Variants in SH3PXD2B observed in about 807,000 individuals in gnomAD.
SH3PXD2B encodes SH3 and PX domain-containing protein 2B.
A neutral mutation model predicts 73.1 loss-of-function variants in SH3PXD2B; 37 were observed. The observed-to-expected ratio is 0.51, with a 90% CI of 0.39 to 0.67. SH3PXD2B has a LOEUF of 0.67. Ranked by LOEUF, SH3PXD2B falls within the 30% of genes least tolerant of loss-of-function variation. SH3PXD2B has a pLI of 0.00. For synonymous variants in SH3PXD2B, 457 were observed against 480.5 expected, an observed-to-expected ratio of 0.95 and a Z score of 0.64; for missense variants, 1,053 against 1,197.8, an observed-to-expected ratio of 0.88 and a Z score of 1.78.
intron 1 of SH3PXD2B, among the ~76,000 whole-genome samples, chr5:172,448,185 T>A (rs2113519484): frequency 6.6e-6 from 1 of 152,282 alleles, no homozygotes; most frequent in African/African-American, 2.4e-5. Context: ...AGCAGCAGCA[T>A]GGGCCCAGCC....
rs1757209653 is a variant in SH3PXD2B at position 172,353,755 on chromosome 5, T to C, written c.785+133A>G. 1 of 768,506 alleles carries C rather than the reference T, an allele frequency of 1.3e-6. No homozygotes were observed. Among genetic ancestry groups the C allele is most frequent in the East Asian group, 2.4e-5 (1 of 40,870 alleles). 47.6% of individuals were successfully genotyped at this position (768,506 alleles called of 1,614,324 possible). On this transcript the variant is annotated intron_variant, in intron 9 of 12. Coordinates refer to ENST00000311601, the MANE Select transcript of SH3PXD2B (RefSeq NM_001017995.3). The surrounding 1 kb of genome is among the most constrained non-coding windows in gnomAD (Gnocchi z 4.3). The stretch of plus-strand genomic sequence containing the variant: ...ACAACACAGAGGAGAAGTATCCTTT[T>C]ATGGTTCAGGCGGAAACTTCGCCCA...
At chr5:172,362,300 G>A (rs1757419587) in intron 7 of SH3PXD2B, among the ~76,000 whole-genome samples, 3 of 152,184 alleles carry the variant, frequency 2.0e-5, no homozygotes, top group African/African-American at 7.2e-5. Context: ...CCCAGCCAGT[G>A]TTCATGACCA....
At chr5:172,383,485 C>T (rs2569221) in intron 4 of SH3PXD2B, among the ~76,000 whole-genome samples, 57,087 of 152,070 alleles carry the variant, frequency 0.38, 11,240 homozygotes, top group East Asian at 0.68. Flanking sequence ...TTGAAGGATC[C>T]GAAACTCAGA....
At chr5:172,347,145 A>G in intron 11 of SH3PXD2B, 138 bp downstream of exon 11, 3 of 868,876 alleles carry the variant, frequency 3.5e-6, no homozygotes, top group South Asian at 1.5e-5. Flanking sequence ...TAGCATTTCT[A>G]CAGCCTGCTT....
At chr5:172,395,966 G>C (rs542947467) in intron 3 of SH3PXD2B, among the ~76,000 whole-genome samples, 1 of 152,210 alleles carries the variant, frequency 6.6e-6, no homozygotes, top group South Asian at 2.1e-4. Context: ...CTGGCAAGGT[G>C]AAGAGAGATT....
At chr5:172,345,454 T>C (rs923466261) in intron 12 of SH3PXD2B, among the ~76,000 whole-genome samples, 1 of 152,192 alleles carries the variant, frequency 6.6e-6, no homozygotes, top group Non-Finnish European at 1.5e-5. Context: ...TGACCAACTC[T>C]TACACATGAC....
At chr5:172,325,762 T>TTTTTGTTTTG (rs529154450) in intron 12 of SH3PXD2B, among the ~76,000 whole-genome samples, 13 of 151,830 alleles carry the variant, frequency 8.6e-5, no homozygotes, top group African/African-American at 2.9e-4. Context: ...CCTGCCTGGT[T>TTTTTGTTTTG]TTTTGTTTTG....
chr5:172,368,468 T>TATA (rs1327821682), intron 6 of SH3PXD2B, among the ~76,000 whole-genome samples: 1 of 12,996 alleles, frequency 7.7e-5, no homozygotes, highest in Non-Finnish European at 1.2e-4. Flanking sequence ...TATATATATA[T>TATA]TATATATATA....
chr5:172,393,300 T>A (rs1051663637), intron 4 of SH3PXD2B, among the ~76,000 whole-genome samples: 1 of 152,254 alleles, frequency 6.6e-6, no homozygotes, highest in Admixed American at 6.5e-5. Flanking sequence ...AAGTATTTTA[T>A]TCTTTTTGAT....
At chr5:172,422,355 A>C in intron 2 of SH3PXD2B, 61 bp downstream of exon 2, 1 of 1,424,114 alleles carries the variant, frequency 7.0e-7, no homozygotes, top group Non-Finnish European at 9.7e-7. Context: ...GCTGTAGTGG[A>C]ATGTAAGTCC....
At chr5:172,368,111 G>A (rs983448306) in intron 6 of SH3PXD2B, among the ~76,000 whole-genome samples, 2 of 152,072 alleles carry the variant, frequency 1.3e-5, no homozygotes, top group Non-Finnish European at 2.9e-5. Context: ...TGTTTCTACT[G>A]CAGGGAATTT....
At chr5:172,332,249 T>C (rs1030787217), downstream of SH3PXD2B, among the ~76,000 whole-genome samples, 1 of 101,872 alleles carries the variant, frequency 9.8e-6, no homozygotes, top group African/African-American at 3.7e-5. Context: ...GCATGACTTT[T>C]TCCTTCCTTT....
chr5:172,408,076 C>G (rs1649535877), intron 2 of SH3PXD2B, among the ~76,000 whole-genome samples: 1 of 152,168 alleles, frequency 6.6e-6, no homozygotes, highest in Non-Finnish European at 1.5e-5. Flanking sequence ...TCAGCCTCAG[C>G]TTGGCTGCGC....
chr5:172,373,760 CG>C (rs777120803), intron 6 of SH3PXD2B, 29 bp downstream of exon 6: 1 of 1,607,600 alleles, frequency 6.2e-7, no homozygotes, highest in South Asian at 1.1e-5. Context: ...GAAAACTGAA[CG>C]AAGAGAAGAA....
chr5:172,410,312 TGTG>T (rs1415719453), intron 2 of SH3PXD2B, among the ~76,000 whole-genome samples: 1 of 152,206 alleles, frequency 6.6e-6, no homozygotes, highest in Non-Finnish European at 1.5e-5. Flanking sequence ...ATTTTAAACA[TGTG>T]GTTTTATTTG....
At chr5:172,447,264 C>T (rs1378117940) in intron 1 of SH3PXD2B, among the ~76,000 whole-genome samples, 1 of 151,938 alleles carries the variant, frequency 6.6e-6, no homozygotes, top group African/African-American at 2.4e-5. Context: ...CTCATATTTT[C>T]ATCCTTCGTT....
intron 3 of SH3PXD2B, among the ~76,000 whole-genome samples, chr5:172,396,090 C>T (rs759247177): frequency 1.8e-4 from 27 of 151,540 alleles, no homozygotes; most frequent in East Asian, 3.9e-4. Context: ...TGGTGACTCA[C>T]GCCTGTAATC....
At position 172,334,104 on chromosome 5, in the gene SH3PXD2B, T is replaced by C; in HGVS notation, c.*4265A>G. 8.9e-7 allele frequency: 1 copy of C among 1,121,676 alleles called. No individual in the cohort carries two copies. The highest frequency in any genetic ancestry group is 2.0e-5 in the South Asian group (1 of 49,178). The allele number at this position is 1,121,676 out of a possible 1,614,324, so 69.5% of individuals were successfully genotyped here. ...TGAGCCCCTCATCCCTGATTGGAGC[T>C]AAGAAGGCTTACTTTGGAGTCGAGG... On this transcript the variant is annotated 3_prime_UTR_variant, in exon 13 of 13. Transcript: ENST00000311601.
rs1756635847 is a variant in SH3PXD2B, at chr5:172,334,305, G to GCT, written c.*4062_*4063dup. 6 of 998,886 alleles carry GCT rather than the reference G, an allele frequency of 6.0e-6. No individual in the cohort carries two copies. Among genetic ancestry groups the GCT allele is most frequent in the Non-Finnish European group, 7.1e-6 (6 of 840,192 alleles). 61.9% of individuals were successfully genotyped at this position (998,886 alleles called of 1,614,324 possible). ...TGGAGCCTCCGGTTCCAGCTCTGCA[G>GCT]CTCTGCCTGGGACCCTCGTGGAAAC... On this transcript the variant is annotated 3_prime_UTR_variant, in exon 13 of 13. Coordinates refer to ENST00000311601, the MANE Select transcript of SH3PXD2B (RefSeq NM_001017995.3).
Sources: allele counts gnomAD v4.1 joint callset (sites outside exome capture counted in the v4.1 genomes callset), GRCh38; gene constraint gnomAD v4.1.1; non-coding constraint Gnocchi (gnomAD v3.1); transcripts MANE v1.5; gene names NCBI Gene and HGNC (gene_info 2026-07-23, HGNC 2026-07-21).